Variants in LZTR1 observed in about 807,000 individuals in gnomAD.
LZTR1 encodes the protein leucine zipper like post translational regulator 1.
LZTR1 carries 260 observed loss-of-function variants against 105.7 expected under a neutral mutation model. That is an observed-to-expected ratio of 2.46 (90% CI 2.22 to 2.72). LZTR1 has a LOEUF of 2.72. LZTR1 is among the 30% of genes most tolerant of loss of function. LZTR1 has a pLI of 0.00. For missense variants in LZTR1, 1,214 were observed against 1,166.9 expected (o/e 1.04, Z -0.59); for synonymous variants, 490 against 476.4 (o/e 1.03, Z -0.37).
At chr22:20,992,757 C>T in intron 10 of LZTR1, 37 bp from the exon 11 acceptor site, 1 of 1,316,006 alleles carries the variant, frequency 7.6e-7, no homozygotes, top group Non-Finnish European at 1.1e-6. Flanking sequence ...GGAGGCTCTG[C>T]TCCCCCACCA....
Position 20,998,597 on chromosome 22 carries a change from CAGG to C in LZTR1, c.*1252_*1254del, listed in dbSNP as rs1166897895. On this transcript the variant is annotated 3_prime_UTR_variant, in exon 21 of 21. Transcript: ENST00000646124. ...CCTGAGTGGCAAGTTGCTTAGCTAA[CAGG>C]AGATCCATAGGCAGCCTGCAGGCTA... 2 of 152,594 alleles carry C rather than the reference CAGG, an allele frequency of 1.3e-5. No individual in the cohort carries two copies. Among genetic ancestry groups the C allele is most frequent in the East Asian group, 1.9e-4 (1 of 5,210 alleles). 9.5% of individuals were successfully genotyped at this position (152,594 alleles called of 1,614,324 possible).
Position 20,997,366 on chromosome 22 carries a change from C to G in LZTR1, c.*18C>G. 1 of 1,574,246 alleles carries G rather than the reference C, an allele frequency of 6.4e-7. No homozygotes were observed. The highest frequency in any genetic ancestry group is 1.1e-5 in the South Asian group (1 of 90,318). ...ACATCTGAGGCCCTGTGGCGCCTGC[C>G]CATTGTGAAGAATCGCCGTGCCTGC... On this transcript the variant is annotated 3_prime_UTR_variant, in exon 21 of 21. Coordinates refer to ENST00000646124, the MANE Select transcript of LZTR1 (RefSeq NM_006767.4).
chr22:20,988,077 G>A lies in LZTR1; in HGVS notation c.468G>A (p.Lys156=). The A allele has an allele frequency of 6.2e-7, 1 of 1,613,528 alleles. No homozygotes were observed. The highest frequency in any genetic ancestry group is 8.5e-7 in the Non-Finnish European group (1 of 1,179,490). The change falls in exon 5 of 21, where the codon AAG becomes AAA. Residue 156 remains lysine, a synonymous_variant. Transcript: ENST00000646124. The part of the protein sequence containing the change: ...LKNKNDLFEY[K]FATGQWTEWK... ...ATAAAAACGACCTCTTTGAATACAA[G>A]TTTGCAACTGGCCAGTGGACGGAGT... is the stretch of plus-strand genomic sequence containing the variant.
In LZTR1 at chr22:20,995,418, T is replaced by C. The variant is rs755620588; in HGVS notation, c.1943-328T>C. ...TGGGGCTTGTGCTGACCCCGGTTGCTGGCTCTTGGTGATGTCTGCAGGCAC... is the reference window on the plus strand; with the variant it reads ...TGGGGCTTGTGCTGACCCCGGTTGCCGGCTCTTGGTGATGTCTGCAGGCAC... On this transcript the variant is annotated intron_variant, in intron 16 of 20. Transcript: ENST00000646124. The C allele has an allele frequency of 1.6e-5, 10 of 620,366 alleles. No homozygotes were observed. Among genetic ancestry groups the C allele is most frequent in the African/African-American group, 7.3e-5 (4 of 55,050 alleles). 38.4% of individuals were successfully genotyped at this position (620,366 alleles called of 1,614,324 possible). A position where few individuals can be genotyped will look rare whatever the true frequency, so the allele number is the denominator to read the frequency against.
chr22:20,996,336 C>T, intron 18 of LZTR1: 1 of 606,298 alleles, frequency 1.6e-6, no homozygotes, highest in Non-Finnish European at 2.9e-6. Context: ...GGTTCCTGAC[C>T]CTCACAACTG....
chr22:20,993,708 T>C lies in LZTR1; in HGVS notation c.1307T>C (p.Leu436Pro). 1 of 1,613,492 alleles carries C rather than the reference T, an allele frequency of 6.2e-7. No individual in the cohort carries two copies. Among genetic ancestry groups the C allele is most frequent in the African/African-American group, 1.3e-5 (1 of 75,056 alleles). Reference sequence around the variant, plus strand: ...ACGCTGCACGAGGACTACGGGCGGCTGTGGGAGAGCCGCCAGTTCTGCGAC... The same window carrying C: ...ACGCTGCACGAGGACTACGGGCGGCCGTGGGAGAGCCGCCAGTTCTGCGAC... Reference protein sequence around the residue: ...KCTLHEDYGRLWESRQFCDVE... With the variant: ...KCTLHEDYGRPWESRQFCDVE... The change falls in exon 12 of 21, where the codon CTG (leucine) becomes CCG (proline). Residue 436 changes from leucine to proline, a missense_variant. Coordinates refer to ENST00000646124, the MANE Select transcript of LZTR1 (RefSeq NM_006767.4).
intron 3 of LZTR1, chr22:20,986,376 T>TGATAGATA (rs66678200): frequency 0.2 from 29,481 of 144,268 alleles, 3,086 homozygotes; most frequent in Non-Finnish European, 0.22. Flanking sequence ...GATAGACAGA[T>TGATAGATA]GATAGATAGA....
Position 20,994,166 on chromosome 22 carries a change from C to T in LZTR1, c.1512C>T (p.Ala504=), listed in dbSNP as rs1435334824. ...CCCCCGGCGTGGCTGCTGGTGGGGCCCGGCCGCCCCTGCTGCACGTGGCCA... is the reference window on the plus strand; with the variant it reads ...CCCCCGGCGTGGCTGCTGGTGGGGCTCGGCCGCCCCTGCTGCACGTGGCCA... ...REAPGVAAGG[A]RPPLLHVAIR... is the part of the protein sequence containing the mutation. The change falls in exon 14 of 21, where the codon GCC becomes GCT. Residue 504 remains alanine (A), a synonymous_variant. Transcript: ENST00000646124. 1.3e-6 allele frequency: 2 copies of T among 1,597,058 alleles called. No homozygotes were observed. Among genetic ancestry groups the T allele is most frequent in the Non-Finnish European group, 1.7e-6 (2 of 1,173,594 alleles).
rs564188003 is a variant in LZTR1, at chr22:20,984,244, C to A, written c.263+1155C>A. On this transcript the variant is annotated intron_variant, in intron 2 of 20. Transcript: ENST00000646124. ...ATCCATCTCTTCAGTCAAGGCAGGGCCTGTGCTCCTTTTACCATTGTATCC... is the reference window on the plus strand; with the variant it reads ...ATCCATCTCTTCAGTCAAGGCAGGGACTGTGCTCCTTTTACCATTGTATCC... Among the ~76,000 whole-genome samples, 25 of 152,318 alleles carry A rather than the reference C, an allele frequency of 1.6e-4. 2 individuals are homozygous for A. In the South Asian group the frequency reaches 3.1e-3, roughly 19 times the overall value.
In LZTR1 at chr22:20,996,510, C is replaced by T. The variant is rs551210896; in HGVS notation, c.2220-186C>T. 1.8e-5 allele frequency: 11 copies of T among 611,134 alleles called. 1 individual carries two copies. Among genetic ancestry groups the T allele is most frequent in the African/African-American group, 9.2e-5 (5 of 54,082 alleles). The allele number at this position is 611,134 out of a possible 1,614,324, so 37.9% of individuals were successfully genotyped here. A position where few individuals can be genotyped will look rare whatever the true frequency, so the allele number is the denominator to read the frequency against. On this transcript the variant is annotated intron_variant, in intron 18 of 20. Transcript: ENST00000646124. ...ACAGATGTACAGACACTATTTTTCT[C>T]GGGAGGGGATTCATGGTTTTCTTTG...
chr22:20,992,739 C>T lies in LZTR1; in HGVS notation c.1150-55C>T, dbSNP rs199626248. ...CCTTGCCTTACCTGGCTGCACCAGC[C>T]GCACTGTGGAGGCTCTGCTCCCCCA... On this transcript the variant is annotated intron_variant, in intron 10 of 20. Coordinates refer to ENST00000646124, the MANE Select transcript of LZTR1 (RefSeq NM_006767.4). 8.4e-5 allele frequency: 99 copies of T among 1,173,004 alleles called. No individual in the cohort carries two copies. The African/African-American group carries it at 8.9e-4, about 11-fold the overall frequency. The allele number at this position is 1,173,004 out of a possible 1,614,324, so 72.7% of individuals were successfully genotyped here.
intron 8 of LZTR1, chr22:20,991,289 C>T (rs1924596376): frequency 6.8e-6 from 2 of 294,562 alleles, no homozygotes; most frequent in African/African-American, 2.2e-5. Flanking sequence ...AACACAGTGA[C>T]CTGCAATGGT....
chr22:20,991,299 TCTC>T, intron 8 of LZTR1: 1 of 336,036 alleles, frequency 3.0e-6, no homozygotes, highest in Non-Finnish European at 5.5e-6. Flanking sequence ...CCTGCAATGG[TCTC>T]TGCACAACTT....
chr22:20,983,959 G>C (rs996995243), intron 2 of LZTR1, among the ~76,000 whole-genome samples: 1 of 152,206 alleles, frequency 6.6e-6, no homozygotes, highest in Non-Finnish European at 1.5e-5. Flanking sequence ...GTCCTCATGA[G>C]AGTCTGCTGC....
At chr22:20,988,658 C>CCT (rs1226079884) in intron 5 of LZTR1, 131 bp from the exon 6 acceptor site, 1 of 682,772 alleles carries the variant, frequency 1.5e-6, no homozygotes, top group African/African-American at 1.8e-5. Context: ...TTGTGGAGGT[C>CCT]CTGAAGCCCC....
rs920574631 is a variant in LZTR1 at position 20,985,830 on chromosome 22, C to T, written c.264-11C>T. The T allele has an allele frequency of 1.2e-6, 2 of 1,613,910 alleles. No individual in the cohort carries two copies. Among genetic ancestry groups the T allele is most frequent in the African/African-American group, 1.3e-5 (1 of 74,920 alleles). On this transcript the variant is annotated splice_polypyrimidine_tract_variant and intron_variant, in intron 2 of 20. Transcript: ENST00000646124. ...TGGCTAATGCCACCCTCTCTTCCGG[C>T]TGCCTTTCAGGAAGACCATGCTCAA...
chr22:20,994,297 T>G (rs1924729758), intron 14 of LZTR1, 28 bp downstream of exon 14: 1 of 1,593,122 alleles, frequency 6.3e-7, no homozygotes, highest in South Asian at 1.1e-5. Flanking sequence ...TGGAGCAGGG[T>G]TGGTGTGGGC....
intron 2 of LZTR1, among the ~76,000 whole-genome samples, chr22:20,983,683 C>T (rs1222031295): frequency 6.6e-6 from 1 of 152,190 alleles, no homozygotes; most frequent in African/African-American, 2.4e-5. Context: ...AAGGTCTGGC[C>T]TCTTACTGGC....
At chr22:20,983,506 A>C (rs1924273859) in intron 2 of LZTR1, among the ~76,000 whole-genome samples, 2 of 152,252 alleles carry the variant, frequency 1.3e-5, no homozygotes, top group South Asian at 4.1e-4. Flanking sequence ...AACATCAGGC[A>C]ACAACGTGAT....
Sources: allele counts gnomAD v4.1 joint callset (sites outside exome capture counted in the v4.1 genomes callset), GRCh38; gene constraint gnomAD v4.1.1; transcripts MANE v1.5; gene names NCBI Gene and HGNC (gene_info 2026-07-23, HGNC 2026-07-21).